The following SLC25A21 variants were observed in gnomAD, a reference collection of about 807,000 sequenced individuals.
The protein encoded by SLC25A21 is mitochondrial 2-oxodicarboxylate carrier.
A neutral mutation model predicts 43.8 loss-of-function variants in SLC25A21; 47 were observed. That is an observed-to-expected ratio of 1.07 (90% CI 0.85 to 1.37). The LOEUF (loss-of-function observed/expected upper bound fraction) is 1.37, where lower values mean the gene tolerates loss of function less well. Among genes scored for constraint, SLC25A21 ranks in the 40% most tolerant of loss-of-function variants. The pLI is 0.00. For synonymous variants in SLC25A21, 131 were observed against 121.3 expected (o/e 1.08, Z -0.52); for missense variants, 352 against 350.2 (o/e 1.00, Z -0.04).
intron 2 of SLC25A21, among the ~76,000 whole-genome samples, chr14:36,838,401 T>C (rs1161484626): frequency 1.3e-5 from 2 of 152,210 alleles, no homozygotes; most frequent in Non-Finnish European, 2.9e-5. Context: ...TGAAGCACAC[T>C]GGGACACACT....
chr14:36,970,462 A>C (rs1034891020), intron 1 of SLC25A21, among the ~76,000 whole-genome samples: 1 of 152,234 alleles, frequency 6.6e-6, no homozygotes, highest in Non-Finnish European at 1.5e-5. Context: ...TATCCAATTA[A>C]TTTTATATTT....
chr14:36,880,385 T>G (rs1336823266), intron 1 of SLC25A21, among the ~76,000 whole-genome samples: 2 of 152,204 alleles, frequency 1.3e-5, no homozygotes, highest in African/African-American at 4.8e-5. Context: ...TTCCTTAAAC[T>G]ACTGCGATTT....
At chr14:36,984,798 C>T (rs1960107872) in intron 1 of SLC25A21, among the ~76,000 whole-genome samples, 1 of 152,204 alleles carries the variant, frequency 6.6e-6, no homozygotes, top group South Asian at 2.1e-4. Context: ...CCCAGTTTAT[C>T]CATTTGACCC....
At chr14:36,865,580 GA>G (rs1256711568) in intron 2 of SLC25A21, among the ~76,000 whole-genome samples, 1 of 151,718 alleles carries the variant, frequency 6.6e-6, no homozygotes, top group East Asian at 1.9e-4. Context: ...ACAGGTTAAT[GA>G]AAGGTTCAAC....
chr14:36,713,582 T>C (rs1490327512), intron 6 of SLC25A21, among the ~76,000 whole-genome samples: 1 of 152,222 alleles, frequency 6.6e-6, no homozygotes, highest in African/African-American at 2.4e-5. Context: ...AGTTCCAAGT[T>C]TGAGTCTCAG....
At chr14:36,868,954 A>C (rs1479539481) in intron 2 of SLC25A21, among the ~76,000 whole-genome samples, 3 of 152,144 alleles carry the variant, frequency 2.0e-5, no homozygotes, top group African/African-American at 7.2e-5. Flanking sequence ...CACTGGAGAG[A>C]CCTACCATGA....
chr14:37,040,327 G>GGGAAGGAA (rs1161001643), intron 1 of SLC25A21, among the ~76,000 whole-genome samples: 1 of 55,548 alleles, frequency 1.8e-5, no homozygotes, highest in Admixed American at 1.7e-4. Flanking sequence ...AAAGGAAGAG[G>GGGAAGGAA]GGAAGGAAGG....
At position 36,679,830 on chromosome 14, in the gene SLC25A21, G is replaced by C. The variant is rs1475489384; in HGVS notation, c.*828C>G. On this transcript the variant is annotated 3_prime_UTR_variant, in exon 10 of 10. Transcript: ENST00000331299. ...GTGTTTCCAATTTGTGATTTAACAT[G>C]ACAATATCTCATCAACAAAACTTAT... is the stretch of plus-strand genomic sequence containing the variant. 1.0e-6 allele frequency: 1 copy of C among 984,810 alleles called. No individual in the cohort carries two copies. The highest frequency in any genetic ancestry group is 1.7e-5 in the African/African-American group (1 of 57,206). The allele number at this position is 984,810 out of a possible 1,614,324, so 61.0% of individuals were successfully genotyped here.
chr14:36,922,994 T>C (rs1756650447), intron 1 of SLC25A21, among the ~76,000 whole-genome samples: 1 of 151,878 alleles, frequency 6.6e-6, no homozygotes, highest in African/African-American at 2.4e-5. Flanking sequence ...GAAAAATCAG[T>C]CCCACAAAAA....
chr14:37,149,577 C>A (rs1386891103), intron 1 of SLC25A21, among the ~76,000 whole-genome samples: 1 of 151,988 alleles, frequency 6.6e-6, no homozygotes, highest in East Asian at 1.9e-4. Flanking sequence ...CGCCTGTAGT[C>A]CCAGCTACTC....
intron 1 of SLC25A21, among the ~76,000 whole-genome samples, chr14:37,051,868 T>C (rs928477937): frequency 2.0e-5 from 3 of 152,142 alleles, no homozygotes; most frequent in Non-Finnish European, 4.4e-5. Context: ...GGCCTTCCTA[T>C]TGGTTGAACT....
chr14:37,098,481 T>C (rs989843595), intron 1 of SLC25A21: 7 of 152,188 alleles, frequency 4.6e-5, no homozygotes, highest in Non-Finnish European at 8.8e-5. Flanking sequence ...ATTTCACCTC[T>C]CTGGGCCTCA....
At chr14:37,163,331 T>C (rs1385648178) in intron 1 of SLC25A21, among the ~76,000 whole-genome samples, 1 of 151,268 alleles carries the variant, frequency 6.6e-6, no homozygotes, top group African/African-American at 2.4e-5. Context: ...AAGAAATTTC[T>C]GTTGTTTATG....
At chr14:36,878,481 G>C (rs563087430) in intron 1 of SLC25A21, among the ~76,000 whole-genome samples, 17 of 152,240 alleles carry the variant, frequency 1.1e-4, no homozygotes, top group African/African-American at 3.9e-4. Flanking sequence ...ATGGATGCTT[G>C]CTGTCCTCCA....
rs182022035 is a variant in SLC25A21 at position 37,138,181 on chromosome 14, A to T, written c.70+34100T>A. ...GCATTTATTCCCAGGTGACTATTTA[A>T]AAAGCAACTCAAGAAATATGATCCC... On this transcript the variant is annotated intron_variant, in intron 1 of 9. Transcript: ENST00000331299. 2.1e-3 allele frequency among the ~76,000 whole-genome samples: 314 copies of T among 152,324 alleles called. 5 individuals carry two copies. The highest frequency in any genetic ancestry group is 0.018 in the South Asian group (86 of 4,828).
intron 1 of SLC25A21, among the ~76,000 whole-genome samples, chr14:36,983,867 T>C (rs935148291): frequency 2.0e-5 from 3 of 152,114 alleles, no homozygotes; most frequent in Non-Finnish European, 2.9e-5. Context: ...GAGGGCATTA[T>C]CCTATGTGAA....
chr14:37,028,058 T>A (rs1566826068), intron 1 of SLC25A21, among the ~76,000 whole-genome samples: 1 of 152,204 alleles, frequency 6.6e-6, no homozygotes, highest in Non-Finnish European at 1.5e-5. Flanking sequence ...TTTAAAATGC[T>A]AAATTTTTTC....
intron 1 of SLC25A21, among the ~76,000 whole-genome samples, chr14:36,953,579 A>C (rs971289240): frequency 2.0e-5 from 3 of 152,154 alleles, no homozygotes; most frequent in African/African-American, 7.2e-5. Flanking sequence ...TTCTTAGATA[A>C]TTTTCTTTAT....
At chr14:36,724,257 G>A (rs868210947) in intron 6 of SLC25A21, among the ~76,000 whole-genome samples, 5 of 152,204 alleles carry the variant, frequency 3.3e-5, no homozygotes, top group Admixed American at 6.5e-5. Flanking sequence ...CATCTGAGTA[G>A]ATACCATCTA....
Sources: gnomAD v4.1 joint callset for allele counts (sites outside exome capture counted in the v4.1 genomes callset) on GRCh38, gnomAD v4.1.1 for gene constraint, MANE v1.5 for transcripts, NCBI Gene and HGNC (gene_info 2026-07-23, HGNC 2026-07-21) for gene names.